Variants in BTRC observed in about 807,000 individuals in gnomAD.
BTRC encodes the protein F-box/WD repeat-containing protein 1A.
In BTRC, 42 loss-of-function variants were observed where a neutral mutation model predicts 85.5. The observed-to-expected ratio is 0.49, with a 90% CI of 0.38 to 0.64. BTRC has a LOEUF of 0.64. Among genes scored for constraint, BTRC ranks in the 30% least tolerant of loss-of-function variants. The pLI is 0.00. For synonymous variants in BTRC, 255 were observed against 263.3 expected (o/e 0.97, Z 0.30); for missense variants, 594 against 743.5 (o/e 0.80, Z 2.34).
chr10:101,426,317 C>T (rs1944250626), intron 1 of BTRC, among the ~76,000 whole-genome samples: 1 of 152,110 alleles, frequency 6.6e-6, no homozygotes, highest in African/African-American at 2.4e-5. Context: ...TATATAAAAT[C>T]TTATGGTAAT....
chr10:101,392,178 C>T (rs893761458), intron 1 of BTRC, among the ~76,000 whole-genome samples: 4 of 152,166 alleles, frequency 2.6e-5, no homozygotes, highest in African/African-American at 9.7e-5. Flanking sequence ...CTGGGTTTCA[C>T]CATGTTGGTC....
At chr10:101,470,511 G>A (rs554106999) in intron 3 of BTRC, among the ~76,000 whole-genome samples, 58 of 151,996 alleles carry the variant, frequency 3.8e-4, no homozygotes, top group South Asian at 2.7e-3. Context: ...TGTATTTTTA[G>A]TAGAGACGGG....
chr10:101,527,307 T>G (rs1195134792), intron 6 of BTRC, among the ~76,000 whole-genome samples: 1 of 152,106 alleles, frequency 6.6e-6, no homozygotes, highest in African/African-American at 2.4e-5. Flanking sequence ...TCTTTGAAAT[T>G]TATTAACACA....
Position 101,473,207 on chromosome 10 carries a change from C to CTT in BTRC, c.235-6151_235-6150dup, listed in dbSNP as rs34197747. 1.4e-3 allele frequency among the ~76,000 whole-genome samples: 203 copies of CTT among 143,284 alleles called. 1 individual carries two copies. The highest frequency in any genetic ancestry group is 5.1e-3 in the African/African-American group (199 of 38,842). 94.0% of individuals were successfully genotyped at this position (143,284 alleles called of 152,430 possible). On this transcript the variant is annotated intron_variant, in intron 3 of 14. Transcript: ENST00000370187. ...GTTTATATGATTTCAGTTTATCTAT[C>CTT]TTTTTTTTTTTCGGTTTATCTGTCT...
chr10:101,532,367 G>A lies in BTRC; in HGVS notation c.913G>A (p.Gly305Arg). 6.2e-7 allele frequency: 1 copy of A among 1,613,806 alleles called. No individual in the cohort carries two copies. The highest frequency in any genetic ancestry group is 8.5e-7 in the Non-Finnish European group (1 of 1,179,936). ...TCACTGCCGAAGTGAAACAAGCAAA[G>A]GAGTTTACTGTTTACAGTATGATGA... ...RIHCRSETSK[G>R]VYCLQYDDQK... Residue 305 changes from glycine to arginine, a missense_variant, in exon 8 of 15, where the codon GGA becomes AGA. Coordinates refer to ENST00000370187, the MANE Select transcript of BTRC (RefSeq NM_033637.4).
intron 1 of BTRC, among the ~76,000 whole-genome samples, chr10:101,401,311 A>G (rs191031339): frequency 1.7e-4 from 26 of 152,334 alleles, no homozygotes; most frequent in Non-Finnish European, 3.4e-4. Context: ...TTTACTTAGC[A>G]TAAGGTGATT....
intron 2 of BTRC, among the ~76,000 whole-genome samples, chr10:101,460,052 ACACTGAATTAAAC>A (rs1449453444): frequency 5.9e-4 from 90 of 152,340 alleles, no homozygotes; most frequent in African/African-American, 2.0e-3. Flanking sequence ...ACAGGATCTT[ACACTGAATTAAAC>A]AGGTTTAGTT....
At chr10:101,438,092 TCTAA>T (rs974929987) in intron 2 of BTRC, among the ~76,000 whole-genome samples, 14 of 152,044 alleles carry the variant, frequency 9.2e-5, no homozygotes, top group Non-Finnish European at 1.9e-4. Context: ...CCTGATTGGG[TCTAA>T]CTTTTTACGT....
intron 4 of BTRC, among the ~76,000 whole-genome samples, chr10:101,497,594 T>C (rs1946295063): frequency 6.6e-6 from 1 of 152,102 alleles, no homozygotes. Context: ...TAGTCCCAGC[T>C]ATTCAGGAGG....
chr10:101,416,249 A>G (rs1943943047), intron 1 of BTRC, among the ~76,000 whole-genome samples: 1 of 152,040 alleles, frequency 6.6e-6, no homozygotes, highest in African/African-American at 2.4e-5. Flanking sequence ...TTAGTTATCT[A>G]CCCATCTGTT....
chr10:101,522,377 CAAAAAA>C (rs377683037), intron 5 of BTRC, among the ~76,000 whole-genome samples: 1 of 49,320 alleles, frequency 2.0e-5, no homozygotes, highest in Non-Finnish European at 4.0e-5. Flanking sequence ...CAAAAAAAAA[CAAAAAA>C]AAAAAAACTC....
At chr10:101,471,242 G>T (rs1416627906) in intron 3 of BTRC, among the ~76,000 whole-genome samples, 3 of 152,118 alleles carry the variant, frequency 2.0e-5, no homozygotes, top group Non-Finnish European at 4.4e-5. Flanking sequence ...TCTGTGAGGG[G>T]CTGGGTGTGG....
At chr10:101,363,971 G>C (rs1942290850) in intron 1 of BTRC, among the ~76,000 whole-genome samples, 1 of 152,124 alleles carries the variant, frequency 6.6e-6, no homozygotes, top group South Asian at 2.1e-4. Flanking sequence ...TTATTCTCTT[G>C]AAATTGTGGG....
chr10:101,496,499 T>C (rs999920662), intron 4 of BTRC, among the ~76,000 whole-genome samples: 2 of 152,186 alleles, frequency 1.3e-5, no homozygotes, highest in African/African-American at 4.8e-5. Context: ...CACTGTAACC[T>C]CGAGCTCCTG....
intron 2 of BTRC, among the ~76,000 whole-genome samples, chr10:101,438,409 A>G (rs1589467316): frequency 8.2e-6 from 1 of 122,092 alleles, no homozygotes; most frequent in African/African-American, 3.2e-5. Context: ...TGGGCGACAG[A>G]GCGAGACTGC....
chr10:101,384,313 A>C (rs1471371574), intron 1 of BTRC, among the ~76,000 whole-genome samples: 1 of 152,210 alleles, frequency 6.6e-6, no homozygotes, highest in Non-Finnish European at 1.5e-5. Flanking sequence ...GGATGACCTT[A>C]ATATTTGCTT....
In BTRC at chr10:101,555,007, T is replaced by TA. The variant is rs1264573238; in HGVS notation, c.*1885dup. On this transcript the variant is annotated 3_prime_UTR_variant, in exon 15 of 15. Coordinates refer to ENST00000370187, the MANE Select transcript of BTRC (RefSeq NM_033637.4). ...CAGAAAATATTTCCCAGTATAATGA[T>TA]ACATCGTAGCCTAAGAAATATTTTC... 1.3e-5 allele frequency: 2 copies of TA among 152,258 alleles called. No homozygotes were observed. The highest frequency in any genetic ancestry group is 6.5e-5 in the Admixed American group (1 of 15,290). The allele number at this position is 152,258 out of a possible 1,614,324, so 9.4% of individuals were successfully genotyped here. A position where few individuals can be genotyped will look rare whatever the true frequency, so the allele number is the denominator to read the frequency against.
chr10:101,356,366 C>G (rs570331479), intron 1 of BTRC, among the ~76,000 whole-genome samples: 26 of 152,310 alleles, frequency 1.7e-4, no homozygotes, highest in Admixed American at 9.8e-4. Flanking sequence ...ATTTACAGAT[C>G]ATAAAGAGAC....
At chr10:101,393,798 C>G (rs1943296947) in intron 1 of BTRC, among the ~76,000 whole-genome samples, 1 of 152,178 alleles carries the variant, frequency 6.6e-6, no homozygotes, top group Non-Finnish European at 1.5e-5. Context: ...GCACACCCTG[C>G]TTTGGAAACC....
Sources: allele counts gnomAD v4.1 joint callset (sites outside exome capture counted in the v4.1 genomes callset), GRCh38; gene constraint gnomAD v4.1.1; transcripts MANE v1.5; gene names NCBI Gene and HGNC (gene_info 2026-07-23, HGNC 2026-07-21).